FAM124A: variants seen among roughly 807,000 people sequenced by gnomAD.
FAM124A encodes the protein protein FAM124A.
A neutral mutation model predicts 24.5 loss-of-function variants in FAM124A; 23 were observed. That is an observed-to-expected ratio of 0.94 (90% CI 0.68 to 1.33). The LOEUF (loss-of-function observed/expected upper bound fraction) is 1.33, where lower values mean the gene tolerates loss of function less well. FAM124A is among the 40% of genes most tolerant of loss of function. FAM124A has a pLI of 0.00. For synonymous variants in FAM124A, 287 were observed against 314.7 expected (o/e 0.91, Z 0.93); for missense variants, 623 against 722.8 (o/e 0.86, Z 1.58).
At chr13:51,231,312 A>G in intron 1 of FAM124A, 36 bp from the exon 2 acceptor site, 1 of 1,613,038 alleles carries the variant, frequency 6.2e-7, no homozygotes, top group Non-Finnish European at 8.5e-7. Context: ...TCATTTGGAT[A>G]AAGAATTCTA....
At chr13:51,274,123 G>A (rs1331088991) in intron 3 of FAM124A, among the ~76,000 whole-genome samples, 1 of 152,178 alleles carries the variant, frequency 6.6e-6, no homozygotes, top group Non-Finnish European at 1.5e-5. Context: ...TAAGTGAATA[G>A]CTTTTTAATA....
intron 3 of FAM124A, among the ~76,000 whole-genome samples, chr13:51,263,167 C>T (rs759657570): frequency 1.3e-5 from 2 of 152,190 alleles, no homozygotes; most frequent in Admixed American, 6.5e-5. Context: ...GAGTGAAGAT[C>T]TCCAGGCCCA....
chr13:51,229,781 T>C (rs528224915), intron 1 of FAM124A, among the ~76,000 whole-genome samples: 1 of 152,336 alleles, frequency 6.6e-6, no homozygotes, highest in South Asian at 2.1e-4. Flanking sequence ...TATAATTACA[T>C]TTCCAAGTAT....
At chr13:51,255,692 G>T (rs1954668019) in intron 3 of FAM124A, among the ~76,000 whole-genome samples, 1 of 152,148 alleles carries the variant, frequency 6.6e-6, no homozygotes, top group Admixed American at 6.5e-5. Flanking sequence ...CAATAACACA[G>T]CAGGGGACTC....
At chr13:51,230,237 C>T (rs1342590295) in intron 1 of FAM124A, among the ~76,000 whole-genome samples, 3 of 152,116 alleles carry the variant, frequency 2.0e-5, no homozygotes, top group African/African-American at 4.8e-5. Flanking sequence ...TTTTGTTCCT[C>T]GACCAATAAA....
intron 1 of FAM124A, among the ~76,000 whole-genome samples, chr13:51,225,976 C>CTTTTTTTTTTTTTTTTT (rs780570797): frequency 3.0e-5 from 2 of 67,566 alleles, no homozygotes; most frequent in Admixed American, 2.2e-4. Context: ...TGCTTGCTTT[C>CTTTTTTTTTTTTTTTTT]TTTTTTTTTT....
In FAM124A at chr13:51,281,841, T is replaced by C. The variant is rs1454993419; in HGVS notation, c.*585T>C. The C allele has an allele frequency of 6.6e-6, 1 of 152,246 alleles. No homozygotes were observed. Among genetic ancestry groups the C allele is most frequent in the Non-Finnish European group, 1.5e-5 (1 of 68,056 alleles). The allele number at this position is 152,246 out of a possible 1,614,324, so 9.4% of individuals were successfully genotyped here. A position where few individuals can be genotyped will look rare whatever the true frequency, so the allele number is the denominator to read the frequency against. On this transcript the variant is annotated 3_prime_UTR_variant, in exon 4 of 4. Transcript: ENST00000322475. ...ATCAGACTACAGGTAATTCCTCATC[T>C]TGAAGCCATGCAACACCTGCAAATC...
chr13:51,259,666 C>T (rs1006852632), intron 3 of FAM124A, among the ~76,000 whole-genome samples: 3 of 152,132 alleles, frequency 2.0e-5, no homozygotes, highest in African/African-American at 7.2e-5. Context: ...ACACAGATGC[C>T]CCAGCCCGTC....
intron 1 of FAM124A, 60 bp downstream of exon 1, chr13:51,222,629 CT>C: frequency 6.6e-6 from 8 of 1,207,224 alleles, no homozygotes; most frequent in Non-Finnish European, 8.2e-6. Context: ...GCGGCGGCTC[CT>C]CCCCGGACGG....
At chr13:51,257,771 T>G (rs1954690496) in intron 3 of FAM124A, among the ~76,000 whole-genome samples, 1 of 152,206 alleles carries the variant, frequency 6.6e-6, no homozygotes, top group Admixed American at 6.5e-5. Flanking sequence ...CCTCCATGAT[T>G]TCCTTCCCAT....
rs766599507 is a variant in FAM124A, at chr13:51,280,485, C to G, written c.870C>G (p.Gly290=). The G allele has an allele frequency of 1.9e-6, 3 of 1,611,978 alleles. No homozygotes were observed. The highest frequency in any genetic ancestry group is 2.5e-6 in the Non-Finnish European group (3 of 1,178,732). The change falls in exon 4 of 4, where the codon GGC becomes GGG. Residue 290 remains glycine, a synonymous_variant. Coordinates refer to ENST00000322475, the MANE Select transcript of FAM124A (RefSeq NM_001242312.2). ...TGCATAAGAAGTTTCCTAAACCTGG[C>G]AGAGTACATCATGCCTCCGAGAAGA... is the stretch of plus-strand genomic sequence containing the variant. The part of the protein sequence containing the change: ...QRVHKKFPKP[G]RVHHASEKKR...
At chr13:51,228,383 G>A (rs1411418900) in intron 1 of FAM124A, among the ~76,000 whole-genome samples, 1 of 152,146 alleles carries the variant, frequency 6.6e-6, no homozygotes. Flanking sequence ...GGCACAAATA[G>A]TAAATAATAT....
intron 3 of FAM124A, chr13:51,252,738 G>A (rs754340899): frequency 6.5e-6 from 1 of 153,806 alleles, no homozygotes; most frequent in African/African-American, 2.4e-5. Context: ...TGGGCAGCAG[G>A]TTGTTGAAAT....
chr13:51,235,558 GC>G (rs1954427487), intron 2 of FAM124A, among the ~76,000 whole-genome samples: 4 of 152,180 alleles, frequency 2.6e-5, no homozygotes, highest in Non-Finnish European at 5.9e-5. Context: ...AAGATATCTA[GC>G]CCCAGAATAA....
chr13:51,222,648 C>T (rs1022933088), intron 1 of FAM124A, 79 bp downstream of exon 1: 4 of 1,181,310 alleles, frequency 3.4e-6, no homozygotes, highest in African/African-American at 3.2e-5. Flanking sequence ...CGGGGACCCT[C>T]CTGATCCGTG....
intron 3 of FAM124A, among the ~76,000 whole-genome samples, chr13:51,276,608 A>G (rs1382076261): frequency 6.6e-6 from 1 of 152,136 alleles, no homozygotes; most frequent in Non-Finnish European, 1.5e-5. Flanking sequence ...TGACCATTCC[A>G]GAAAGACAAC....
chr13:51,243,725 G>A (rs1021143216), intron 2 of FAM124A, among the ~76,000 whole-genome samples: 10 of 152,012 alleles, frequency 6.6e-5, no homozygotes, highest in African/African-American at 2.4e-4. Flanking sequence ...TAGTAGAGAC[G>A]GGGTTTCACC....
intron 2 of FAM124A, among the ~76,000 whole-genome samples, chr13:51,234,411 C>A (rs1954413748): frequency 6.6e-6 from 1 of 152,036 alleles, no homozygotes; most frequent in African/African-American, 2.4e-5. Context: ...GCCAGCTGCC[C>A]CATGGGAGAA....
At chr13:51,243,223 C>A (rs921449950) in intron 2 of FAM124A, among the ~76,000 whole-genome samples, 4 of 152,178 alleles carry the variant, frequency 2.6e-5, no homozygotes, top group Non-Finnish European at 5.9e-5. Context: ...TTACCAAGAA[C>A]AAAGTCTGAG....
Sources: gnomAD v4.1 joint callset for allele counts (sites outside exome capture counted in the v4.1 genomes callset) on GRCh38, gnomAD v4.1.1 for gene constraint, MANE v1.5 for transcripts, NCBI Gene and HGNC (gene_info 2026-07-23, HGNC 2026-07-21) for gene names.